The following PAX5 variants were observed in gnomAD, a reference collection of about 807,000 sequenced individuals.
PAX5 encodes the protein paired box protein Pax-5.
PAX5 carries 9 observed loss-of-function variants against 43.7 expected under a neutral mutation model. That is an observed-to-expected ratio of 0.21 (90% CI 0.12 to 0.36). The LOEUF (loss-of-function observed/expected upper bound fraction) is 0.36. PAX5 is among the 10% of genes least tolerant of loss of function. The pLI, the probability that PAX5 is intolerant of heterozygous loss-of-function variation, is 1.00. For synonymous variants in PAX5, 228 were observed against 214.3 expected (o/e 1.06, Z -0.56); for missense variants, 383 against 532.7 (o/e 0.72, Z 2.77).
At chr9:36,950,717 G>T (rs1832922403) in intron 6 of PAX5, among the ~76,000 whole-genome samples, 1 of 148,876 alleles carries the variant, frequency 6.7e-6, no homozygotes, top group African/African-American at 2.5e-5. Context: ...TCACATTCTT[G>T]CATATCCACT....
chr9:36,920,142 C>T (rs1203370626), intron 7 of PAX5, among the ~76,000 whole-genome samples: 2 of 152,144 alleles, frequency 1.3e-5, no homozygotes, highest in Non-Finnish European at 2.9e-5. Flanking sequence ...AAGATGAAAT[C>T]TACTCCTGGT....
intron 6 of PAX5, among the ~76,000 whole-genome samples, chr9:36,927,069 T>C (rs952359020): frequency 6.6e-6 from 1 of 152,048 alleles, no homozygotes; most frequent in Non-Finnish European, 1.5e-5. Context: ...ATGCAATAGT[T>C]AGAGGGGGTG....
chr9:36,965,697 G>A (rs1834366850), intron 6 of PAX5, among the ~76,000 whole-genome samples: 1 of 152,338 alleles, frequency 6.6e-6, no homozygotes, highest in East Asian at 1.9e-4. Context: ...AGCGAGGAAA[G>A]TGCCGAGGAA....
chr9:36,950,230 C>T (rs775763735), intron 6 of PAX5, among the ~76,000 whole-genome samples: 2 of 152,282 alleles, frequency 1.3e-5, no homozygotes, highest in East Asian at 1.9e-4. Context: ...ATTCTGTTGC[C>T]CTGACCCAAG....
intron 1 of PAX5, among the ~76,000 whole-genome samples, chr9:37,021,518 G>A (rs1307001850): frequency 6.6e-6 from 1 of 152,170 alleles, no homozygotes; most frequent in South Asian, 2.1e-4. Context: ...TTGTTATAAA[G>A]GAGTTTCCCT....
chr9:36,945,501 A>G (rs1017814380), intron 6 of PAX5, among the ~76,000 whole-genome samples: 9 of 152,246 alleles, frequency 5.9e-5, no homozygotes, highest in Non-Finnish European at 1.0e-4. Context: ...TTGGCCTCCC[A>G]CAGTGCTGGG....
chr9:36,986,490 G>A (rs1268875611), intron 5 of PAX5, among the ~76,000 whole-genome samples: 1 of 152,056 alleles, frequency 6.6e-6, no homozygotes, highest in Non-Finnish European at 1.5e-5. Context: ...CGGCGCGAGC[G>A]GGCGGCCTCC....
intron 1 of PAX5, among the ~76,000 whole-genome samples, chr9:37,027,736 G>A (rs1840561163): frequency 6.6e-6 from 1 of 152,240 alleles, no homozygotes; most frequent in African/African-American, 2.4e-5. Context: ...CCCTCCGGGC[G>A]GGGGCGGGGC....
intron 6 of PAX5, among the ~76,000 whole-genome samples, chr9:36,932,335 T>C (rs934363318): frequency 6.6e-6 from 1 of 152,232 alleles, no homozygotes; most frequent in African/African-American, 2.4e-5. Context: ...ACATAATGTC[T>C]GAAGTTTGTC....
At chr9:36,847,183 C>T (rs1374394669) in intron 8 of PAX5, among the ~76,000 whole-genome samples, 1 of 152,202 alleles carries the variant, frequency 6.6e-6, no homozygotes, top group African/African-American at 2.4e-5. Context: ...ATGGAACTCC[C>T]ATGTCGTTCT....
intron 5 of PAX5, among the ~76,000 whole-genome samples, chr9:36,992,843 T>G (rs1232424485): frequency 6.6e-6 from 1 of 152,220 alleles, no homozygotes; most frequent in Admixed American, 6.5e-5. Context: ...CAAAGTGTAG[T>G]CCAGGGAGCC....
intron 8 of PAX5, among the ~76,000 whole-genome samples, chr9:36,853,976 C>T (rs955642953): frequency 8.5e-5 from 13 of 152,274 alleles, no homozygotes; most frequent in African/African-American, 3.1e-4. Context: ...GGGCCGACCC[C>T]GTCTGCAGAT....
intron 7 of PAX5, among the ~76,000 whole-genome samples, chr9:36,902,247 A>T (rs1368193422): frequency 6.6e-6 from 1 of 152,228 alleles, no homozygotes; most frequent in Non-Finnish European, 1.5e-5. Context: ...ATGGTCTGAC[A>T]GGCAGCCTTG....
intron 5 of PAX5, among the ~76,000 whole-genome samples, chr9:37,000,586 C>A (rs190587118): frequency 6.6e-6 from 1 of 152,118 alleles, no homozygotes; most frequent in Admixed American, 6.5e-5. Context: ...AACACCGTGT[C>A]TATTTATTAA....
chr9:36,934,592 C>T (rs938438757), intron 6 of PAX5, among the ~76,000 whole-genome samples: 2 of 152,178 alleles, frequency 1.3e-5, no homozygotes, highest in Non-Finnish European at 2.9e-5. Flanking sequence ...TGCAGAAATA[C>T]TCCATAATCT....
intron 6 of PAX5, among the ~76,000 whole-genome samples, chr9:36,942,159 G>A (rs1388059566): frequency 6.6e-6 from 1 of 152,174 alleles, no homozygotes; most frequent in Non-Finnish European, 1.5e-5. Context: ...AAGGACCCAG[G>A]CCTCCTAGGT....
chr9:36,961,758 G>A (rs1833996043), intron 6 of PAX5, among the ~76,000 whole-genome samples: 1 of 152,146 alleles, frequency 6.6e-6, no homozygotes, highest in Non-Finnish European at 1.5e-5. Flanking sequence ...CGACGACAAC[G>A]TCAACGGGAG....
At chr9:36,983,271 T>G (rs1448699531) in intron 5 of PAX5, among the ~76,000 whole-genome samples, 1 of 152,156 alleles carries the variant, frequency 6.6e-6, no homozygotes, top group Non-Finnish European at 1.5e-5. Context: ...TTTCAGAAAA[T>G]CAGTTCACTG....
chr9:36,860,174 T>G (rs1824071322), intron 8 of PAX5, among the ~76,000 whole-genome samples: 1 of 150,152 alleles, frequency 6.7e-6, no homozygotes, highest in Non-Finnish European at 1.5e-5. Context: ...CTATCTCTAC[T>G]AAAAATAGAA....
Sources: gnomAD v4.1 joint callset for allele counts (sites outside exome capture counted in the v4.1 genomes callset) on GRCh38, gnomAD v4.1.1 for gene constraint, MANE v1.5 for transcripts, NCBI Gene and HGNC (gene_info 2026-07-23, HGNC 2026-07-21) for gene names.